The following DHRS2 variants were observed in gnomAD, a reference collection of about 807,000 sequenced individuals.
The protein encoded by DHRS2 is dehydrogenase/reductase SDR family member 2, mitochondrial.
DHRS2 carries 29 observed loss-of-function variants against 26.3 expected under a neutral mutation model. That is an observed-to-expected ratio of 1.10 (90% CI 0.82 to 1.50). The LOEUF is 1.50. Ranked by LOEUF, DHRS2 falls within the 40% of genes most tolerant of loss-of-function variation. The pLI, the probability that DHRS2 is intolerant of heterozygous loss-of-function variation, is 0.00. For synonymous variants in DHRS2, 164 were observed against 151.3 expected (o/e 1.08, Z -0.62); for missense variants, 439 against 367.1 (o/e 1.20, Z -1.60).
At chr14:23,644,035 T>G in intron 5 of DHRS2, 76 bp from the exon 6 acceptor site, 1 of 1,440,108 alleles carries the variant, frequency 6.9e-7, no homozygotes, top group Non-Finnish European at 9.8e-7. Flanking sequence ...GTTGCATCAT[T>G]TAATGAACTC....
At chr14:23,641,381 G>C (rs1302933758) in intron 4 of DHRS2, 2 of 257,396 alleles carry the variant, frequency 7.8e-6, no homozygotes, top group East Asian at 2.1e-4. Context: ...CGACTCCAGC[G>C]TGCGCCCTCT....
At chr14:23,637,299 T>TA (rs1326312993) in intron 1 of DHRS2, among the ~76,000 whole-genome samples, 2 of 152,350 alleles carry the variant, frequency 1.3e-5, no homozygotes, top group Non-Finnish European at 2.9e-5. Flanking sequence ...AGGACTCTGT[T>TA]ACCTTCTTTA....
intron 7 of DHRS2, 41 bp downstream of exon 7, chr14:23,644,584 G>C (rs1458006201): frequency 6.2e-7 from 1 of 1,613,918 alleles, no homozygotes; most frequent in Non-Finnish European, 8.5e-7. Context: ...GTCTGGCTCA[G>C]TGGGAACCCT....
chr14:23,645,043 T>C, intron 8 of DHRS2, 99 bp from the exon 9 acceptor site: 1 of 1,589,658 alleles, frequency 6.3e-7, no homozygotes, highest in Middle Eastern at 1.7e-4. Flanking sequence ...TGCATCCACC[T>C]TGTTCCCCAT....
rs555023428 is a variant in DHRS2 at position 23,639,848 on chromosome 14, C to G, written c.373C>G (p.Pro125Ala). The G allele has an allele frequency of 3.1e-6, 5 of 1,610,184 alleles. No homozygotes were observed. In the East Asian group the frequency reaches 1.1e-4, roughly 36 times the overall value. ...CCTGGTGTGCAGCGCAGGGGTCAAC[C>G]CTCTGGTAGGGAGCACTCTGGGGAC... ...DFLVCSAGVN[P>A]LVGSTLGTSE... Residue 125 changes from proline (P) to alanine (A), a missense_variant, in exon 4 of 9, where the codon CCT (proline) becomes GCT (alanine). Pro to Ala is a conservative substitution (Grantham distance 27, BLOSUM62 -1). Coordinates refer to ENST00000250383, the MANE Select transcript of DHRS2 (RefSeq NM_005794.4).
chr14:23,632,741 A>G (rs1014851376), upstream of DHRS2, among the ~76,000 whole-genome samples: 1 of 152,176 alleles, frequency 6.6e-6, no homozygotes, highest in African/African-American at 2.4e-5. Flanking sequence ...TTGGTGATGG[A>G]GTGGCCAGAG....
In DHRS2 at chr14:23,644,181, T is replaced by G. The variant is rs1890779204; in HGVS notation, c.540+19T>G. On this transcript the variant is annotated intron_variant, in intron 6 of 8. Coordinates refer to ENST00000250383, the MANE Select transcript of DHRS2 (RefSeq NM_005794.4). ...AGTAGTGGTAAGTGCTTGGTCCTTG[T>G]GCTCCTGAGTGGTATAGGGTGAGGG... 1 of 1,613,870 alleles carries G rather than the reference T, an allele frequency of 6.2e-7. No homozygotes were observed. The highest frequency in any genetic ancestry group is 8.5e-7 in the Non-Finnish European group (1 of 1,179,850).
At position 23,638,868 on chromosome 14, in the gene DHRS2, C is replaced by T. The variant is rs757692103; in HGVS notation, c.4C>T (p.Leu2=). The T allele has an allele frequency of 3.1e-6, 5 of 1,613,634 alleles. No individual in the cohort carries two copies. The highest frequency in any genetic ancestry group is 4.2e-6 in the Non-Finnish European group (5 of 1,179,802). Residue 2 remains leucine, a synonymous_variant, in exon 2 of 9, where the codon CTG becomes TTG. Transcript: ENST00000250383. ...AGCATCTCAGACACCAACCACTATG[C>T]TGTCAGCAGTTGCCCGGGGCTACCA... M[L]SAVARGYQGW...
At chr14:23,643,357 G>A in intron 5 of DHRS2, 138 bp downstream of exon 5, 1 of 766,094 alleles carries the variant, frequency 1.3e-6, no homozygotes, top group Non-Finnish European at 2.2e-6. Flanking sequence ...TTCTTGTCCT[G>A]CCTCCCCATC....
In DHRS2 at chr14:23,639,005, G is replaced by A. The variant is rs199794920; in HGVS notation, c.140+1G>A. 91 of 1,612,636 alleles carry A rather than the reference G, an allele frequency of 5.6e-5. No homozygotes were observed. The highest frequency in any genetic ancestry group is 2.0e-4 in the Middle Eastern group (1 of 5,126). ...CCGTGGTCACGGGGTCCACCAGTGG[G>A]TGAGTGCTGGATTGCCCATGGGTCC... On this transcript the variant is annotated splice_donor_variant, in intron 2 of 8. Transcript: ENST00000250383. LOFTEE classifies it high-confidence loss of function.
chr14:23,640,187 T>G, intron 4 of DHRS2: 4 of 924,620 alleles, frequency 4.3e-6, no homozygotes, highest in Non-Finnish European at 4.0e-6. Context: ...GGCACCACTA[T>G]TCCAGGCTCT....
At chr14:23,639,491 G>C in intron 3 of DHRS2, 135 bp downstream of exon 3, 1 of 1,302,166 alleles carries the variant, frequency 7.7e-7, no homozygotes, top group Middle Eastern at 2.3e-4. Context: ...AGCTAACCTC[G>C]CTACCCAGAA....
chr14:23,641,603 T>G, intron 4 of DHRS2: 1 of 1,288,930 alleles, frequency 7.8e-7, no homozygotes, highest in African/African-American at 1.5e-5. Context: ...TGTGGGCTGG[T>G]TGGGGTCTGT....
At chr14:23,632,764 T>C (rs958500038), upstream of DHRS2, among the ~76,000 whole-genome samples, 5 of 152,300 alleles carry the variant, frequency 3.3e-5, no homozygotes, top group Admixed American at 6.5e-5. Flanking sequence ...TGTCTGGAAC[T>C]GATGAGGGTC....
At position 23,639,904 on chromosome 14, in the gene DHRS2, C is replaced by T; in HGVS notation, c.420+9C>T. ...AGCAGATCTGGGACAAGGTGAGAGGCCTCCCCTGGGGAGGCGGCTGAGGGC... is the reference window on the plus strand; with the variant it reads ...AGCAGATCTGGGACAAGGTGAGAGGTCTCCCCTGGGGAGGCGGCTGAGGGC... On this transcript the variant is annotated intron_variant, in intron 4 of 8. Transcript: ENST00000250383. 1 of 1,585,166 alleles carries T rather than the reference C, an allele frequency of 6.3e-7. No homozygotes were observed. The highest frequency in any genetic ancestry group is 8.6e-7 in the Non-Finnish European group (1 of 1,165,802).
chr14:23,638,824 C>T lies in DHRS2; in HGVS notation c.-38-3C>T. ...GATAAGTGAAATTGATTCTTTCCCC[C>T]AGGCCTGATTCAGCAGGAAGCATCT... On this transcript the variant is annotated splice_region_variant and splice_polypyrimidine_tract_variant and intron_variant, in intron 1 of 8. Coordinates refer to ENST00000250383, the MANE Select transcript of DHRS2 (RefSeq NM_005794.4). 1 of 1,601,446 alleles carries T rather than the reference C, an allele frequency of 6.2e-7. No individual in the cohort carries two copies. The highest frequency in any genetic ancestry group is 8.5e-7 in the Non-Finnish European group (1 of 1,172,172).
intron 1 of DHRS2, 197 bp from the exon 2 acceptor site, chr14:23,638,630 C>A: frequency 2.0e-6 from 1 of 494,468 alleles, no homozygotes; most frequent in Non-Finnish European, 3.6e-6. Context: ...TGAATAATTT[C>A]CCCAGTTTTA....
At position 23,644,692 on chromosome 14, in the gene DHRS2, C is replaced by G. The variant is rs539058472; in HGVS notation, c.676-135C>G. On this transcript the variant is annotated intron_variant, in intron 7 of 8. Coordinates refer to ENST00000250383, the MANE Select transcript of DHRS2 (RefSeq NM_005794.4). ...TCTCTGAACTCAGCCATGGTGCAGTCCATCCATCCTGAAAAGATGCTCCTT... is the reference window on the plus strand; with the variant it reads ...TCTCTGAACTCAGCCATGGTGCAGTGCATCCATCCTGAAAAGATGCTCCTT... The G allele has an allele frequency of 6.1e-6, 9 of 1,473,018 alleles. No individual in the cohort carries two copies. The East Asian group carries it at 2.0e-4, about 33-fold the overall frequency. 91.2% of individuals were successfully genotyped at this position (1,473,018 alleles called of 1,614,324 possible). A position where few individuals can be genotyped will look rare whatever the true frequency, so the allele number is the denominator to read the frequency against.
exon 1 of DHRS2, chr14:23,630,209 A>T (rs1890084972): frequency 6.6e-6 from 1 of 152,210 alleles, no homozygotes; most frequent in Admixed American, 6.5e-5. Flanking sequence ...GCCAAACTGC[A>T]CTCCAGACAG....
Sources: allele counts gnomAD v4.1 joint callset (sites outside exome capture counted in the v4.1 genomes callset), GRCh38; gene constraint gnomAD v4.1.1; transcripts MANE v1.5; gene names NCBI Gene and HGNC (gene_info 2026-07-23, HGNC 2026-07-21).